The following SLC8A1 variants were observed in gnomAD, a reference collection of about 807,000 sequenced individuals.
The protein encoded by SLC8A1 is solute carrier family 8 member A1.
In SLC8A1, 18 loss-of-function variants were observed where a neutral mutation model predicts 68.3. That is an observed-to-expected ratio of 0.26 (90% confidence interval 0.18 to 0.39). The LOEUF (loss-of-function observed/expected upper bound fraction) is 0.39, where lower values mean the gene tolerates loss of function less well. Among genes scored for constraint, SLC8A1 ranks in the 10% least tolerant of loss-of-function variants. The probability of loss-of-function intolerance (pLI) is 1.00; values close to 1 mark genes in which losing one functional copy is unlikely to be tolerated. For missense variants in SLC8A1, 985 were observed against 1,156.7 expected, an observed-to-expected ratio of 0.85 and a Z score of 2.15; for synonymous variants, 475 against 415.5, an observed-to-expected ratio of 1.14 and a Z score of -1.74.
At chr2:40,193,116 T>C (rs1327820096) in intron 2 of SLC8A1, among the ~76,000 whole-genome samples, 3 of 152,150 alleles carry the variant, frequency 2.0e-5, no homozygotes, top group Non-Finnish European at 4.4e-5. Context: ...TTACATTTCT[T>C]AGTAAAAGGC....
chr2:40,337,663 C>T (rs1666407998), intron 2 of SLC8A1, among the ~76,000 whole-genome samples: 1 of 152,102 alleles, frequency 6.6e-6, no homozygotes, highest in Admixed American at 6.5e-5. Flanking sequence ...CCTAGGTTTC[C>T]ATTCCATTTA....
chr2:40,444,249 G>T (rs1431047739), intron 1 of SLC8A1, among the ~76,000 whole-genome samples: 1 of 152,154 alleles, frequency 6.6e-6, no homozygotes, highest in South Asian at 2.1e-4. Flanking sequence ...TGAGCCAGGA[G>T]GATTACTTGG....
chr2:40,384,548 T>C (rs936271255), intron 2 of SLC8A1, among the ~76,000 whole-genome samples: 1 of 152,098 alleles, frequency 6.6e-6, no homozygotes, highest in African/African-American at 2.4e-5. Flanking sequence ...AATTCTTCTA[T>C]AAATAAGAAA....
At chr2:40,102,473 T>C (rs898461106) in exon 8 of SLC8A1, 2 of 151,788 alleles carry the variant, frequency 1.3e-5, no homozygotes, top group Non-Finnish European at 2.9e-5. Flanking sequence ...TGAAATTCAG[T>C]TGGTGAAAAA....
At chr2:40,140,345 G>A (rs1051243010) in intron 6 of SLC8A1, among the ~76,000 whole-genome samples, 6 of 151,948 alleles carry the variant, frequency 3.9e-5, no homozygotes, top group African/African-American at 1.2e-4. Context: ...TATCCTAATC[G>A]CTCCACCCTT....
intron 1 of SLC8A1, 118 bp downstream of exon 1, chr2:40,451,786 A>ACACACACAC (rs1359361113): frequency 9.8e-6 from 1 of 101,874 alleles, no homozygotes; most frequent in Non-Finnish European, 2.1e-5. Flanking sequence ...CACACACACA[A>ACACACACAC]ATTTAGAAGC....
intron 2 of SLC8A1, among the ~76,000 whole-genome samples, chr2:40,238,331 G>C (rs2060714795): frequency 6.6e-6 from 1 of 152,210 alleles, no homozygotes; most frequent in Non-Finnish European, 1.5e-5. Context: ...AAGCCCGTTG[G>C]AAAAGCGCAG....
chr2:40,509,269 G>C (rs1314966044), intron 1 of SLC8A1, among the ~76,000 whole-genome samples: 2 of 151,988 alleles, frequency 1.3e-5, no homozygotes, highest in East Asian at 3.9e-4. Context: ...TCCAATGATT[G>C]AAGGTGGAGA....
intron 2 of SLC8A1, among the ~76,000 whole-genome samples, chr2:40,426,612 A>T (rs1696917212): frequency 1.3e-5 from 2 of 152,154 alleles, no homozygotes; most frequent in Admixed American, 1.3e-4. Flanking sequence ...TTTTCAGATA[A>T]ACCAGTATAG....
chr2:40,139,725 G>C lies in SLC8A1; in HGVS notation c.2162-49C>G, dbSNP rs757657095. ...ATTTCATCACAACCTGTGTTGCCGG[G>C]TCTTCCTCTCTCTCAATCTCTCCTA... On this transcript the variant is annotated intron_variant, in intron 6 of 7. Transcript: ENST00000406785. The C allele has an allele frequency of 2.9e-5, 45 of 1,576,674 alleles. 1 individual carries two copies. In the South Asian group the frequency reaches 4.9e-4, roughly 17 times the overall value.
intron 2 of SLC8A1, among the ~76,000 whole-genome samples, chr2:40,396,777 A>AAG (rs1320205950): frequency 6.1e-5 from 9 of 146,998 alleles, no homozygotes; most frequent in African/African-American, 2.2e-4. Context: ...AAAAAAAAAA[A>AAG]CAAGAGAAGT....
intron 2 of SLC8A1, among the ~76,000 whole-genome samples, chr2:40,286,861 G>C (rs114384178): frequency 3.8e-4 from 58 of 152,314 alleles, no homozygotes; most frequent in African/African-American, 1.4e-3. Flanking sequence ...TCAAAGTTAT[G>C]ATTGAACCAG....
At chr2:40,320,761 C>A (rs545000279) in intron 2 of SLC8A1, among the ~76,000 whole-genome samples, 59 of 152,262 alleles carry the variant, frequency 3.9e-4, no homozygotes, top group African/African-American at 1.3e-3. Flanking sequence ...TAAACTTAAT[C>A]TCTTAAGAGT....
rs148168754 is a variant in SLC8A1, at chr2:40,488,536, A to G, written c.-25+23813T>C. Among the ~76,000 whole-genome samples, 720 of 152,064 alleles carry G rather than the reference A, an allele frequency of 4.7e-3. 8 individuals carry two copies. The highest frequency in any genetic ancestry group is 0.016 in the African/African-American group (645 of 41,480). On this transcript the variant is annotated intron_variant, in intron 1 of 7. Coordinates refer to the SLC8A1 transcript ENST00000402441. ...GAGAAAATGAACATGTTCCCTTTTA[A>G]CTGTTAAAAGGGAAGTCTCATATGA... is the stretch of plus-strand genomic sequence containing the variant.
chr2:40,338,259 G>A (rs954860723), intron 2 of SLC8A1, among the ~76,000 whole-genome samples: 2 of 152,128 alleles, frequency 1.3e-5, no homozygotes, highest in African/African-American at 2.4e-5. Flanking sequence ...CTGCCTGTAA[G>A]ACAAGTCTTG....
intron 2 of SLC8A1, among the ~76,000 whole-genome samples, chr2:40,236,180 G>T (rs899804008): frequency 6.6e-6 from 1 of 151,726 alleles, no homozygotes; most frequent in African/African-American, 2.4e-5. Flanking sequence ...TTGTTGATCT[G>T]TCTAATGTTG....
At chr2:40,255,549 G>T (rs965921280) in intron 2 of SLC8A1, among the ~76,000 whole-genome samples, 7 of 152,128 alleles carry the variant, frequency 4.6e-5, no homozygotes, top group South Asian at 2.1e-4. Flanking sequence ...AGTGCTTCAG[G>T]TTCTCTTGCA....
chr2:40,369,970 A>C (rs1677519321), intron 2 of SLC8A1, among the ~76,000 whole-genome samples: 1 of 152,146 alleles, frequency 6.6e-6, no homozygotes, highest in African/African-American at 2.4e-5. Context: ...TGTAAAGATA[A>C]AGATCTATAA....
chr2:40,501,499 T>C (rs1483199122), intron 1 of SLC8A1, among the ~76,000 whole-genome samples: 2 of 152,122 alleles, frequency 1.3e-5, no homozygotes, highest in Admixed American at 1.3e-4. Flanking sequence ...TCACAAGCAC[T>C]CTCTTTTGAC....
Sources: allele counts gnomAD v4.1 joint callset (sites outside exome capture counted in the v4.1 genomes callset), GRCh38; gene constraint gnomAD v4.1.1; transcripts MANE v1.5; gene names NCBI Gene and HGNC (gene_info 2026-07-23, HGNC 2026-07-21).